The following STPG2 variants were observed in gnomAD, a reference collection of about 807,000 sequenced individuals.
STPG2 encodes sperm-tail PG-rich repeat-containing protein 2.
Under a neutral mutation model 54.2 loss-of-function variants are expected in STPG2, and 56 were observed. The ratio of observed to expected loss-of-function variants is 1.03; its 90% confidence interval spans 0.83 to 1.29. STPG2 has a LOEUF of 1.29. Among genes scored for constraint, STPG2 ranks in the 50% most tolerant of loss-of-function variants. STPG2 has a pLI of 0.00. For synonymous variants in STPG2, 200 were observed against 181.8 expected (o/e 1.10, Z -0.81); for missense variants, 596 against 544.9 (o/e 1.09, Z -0.93).
intron 4 of STPG2, among the ~76,000 whole-genome samples, chr4:97,505,061 G>C (rs565520313): frequency 2.0e-5 from 3 of 151,300 alleles, no homozygotes; most frequent in African/African-American, 4.9e-5. Flanking sequence ...TTTTCATTTA[G>C]ATAATCTAAG....
At chr4:97,832,775 A>G (rs181107883) in intron 9 of STPG2, among the ~76,000 whole-genome samples, 81 of 152,328 alleles carry the variant, frequency 5.3e-4, no homozygotes, top group Admixed American at 3.6e-3. Flanking sequence ...CAGAAAGAGA[A>G]TAAAATATCT....
chr4:97,612,479 C>A (rs1274040401), intron 10 of STPG2, among the ~76,000 whole-genome samples: 1 of 151,960 alleles, frequency 6.6e-6, no homozygotes, highest in African/African-American at 2.4e-5. Context: ...ATAGGTGTAC[C>A]AAAGTAAACA....
At chr4:97,936,420 A>G (rs1732749019) in intron 8 of STPG2, among the ~76,000 whole-genome samples, 1 of 152,188 alleles carries the variant, frequency 6.6e-6, no homozygotes, top group South Asian at 2.1e-4. Context: ...TCCTGTCATC[A>G]TGATGCTAGC....
intron 8 of STPG2, among the ~76,000 whole-genome samples, chr4:97,852,632 C>A (rs774412598): frequency 6.6e-6 from 1 of 152,122 alleles, no homozygotes; most frequent in Non-Finnish European, 1.5e-5. Flanking sequence ...ATAAATATCT[C>A]AGCATCCCAT....
intron 5 of STPG2, among the ~76,000 whole-genome samples, chr4:98,010,253 C>G (rs1735703264): frequency 6.6e-6 from 1 of 152,108 alleles, no homozygotes; most frequent in African/African-American, 2.4e-5. Flanking sequence ...CCTCTTGACA[C>G]TGCTTTCACT....
intron 9 of STPG2, among the ~76,000 whole-genome samples, chr4:97,742,135 A>C (rs921026520): frequency 2.0e-5 from 3 of 151,876 alleles, no homozygotes; most frequent in African/African-American, 7.3e-5. Context: ...AACACCGCAT[A>C]TTCTCACTCA....
chr4:97,632,152 A>C (rs1578438039), intron 10 of STPG2, among the ~76,000 whole-genome samples: 1 of 152,152 alleles, frequency 6.6e-6, no homozygotes, highest in South Asian at 2.1e-4. Context: ...GTTAAAAGTA[A>C]GTTATCCTTT....
intron 10 of STPG2, among the ~76,000 whole-genome samples, chr4:97,604,479 G>T (rs1048498684): frequency 6.6e-6 from 1 of 151,686 alleles, no homozygotes; most frequent in African/African-American, 2.4e-5. Context: ...CAAAACAGAT[G>T]TGATGTTGAA....
chr4:97,828,611 C>A (rs1728341419), intron 9 of STPG2, among the ~76,000 whole-genome samples: 1 of 152,148 alleles, frequency 6.6e-6, no homozygotes, highest in Admixed American at 6.5e-5. Context: ...TGGGTCTCAC[C>A]TCCACAGAGC....
chr4:97,521,542 G>A lies in STPG2; in HGVS notation c.462+191157C>T, dbSNP rs189279387. On this transcript the variant is annotated intron_variant, in intron 4 of 4. Coordinates refer to the STPG2 transcript ENST00000522676. ...AGAAATGTACTTTAGACAAGATGACGCGAATATGACAGTGAAACTGGTACT... is the reference window on the plus strand; with the variant it reads ...AGAAATGTACTTTAGACAAGATGACACGAATATGACAGTGAAACTGGTACT... Among the ~76,000 whole-genome samples the A allele has an allele frequency of 1.3e-3, 198 of 152,078 alleles. 2 individuals carry two copies. The highest frequency in any genetic ancestry group is 4.5e-3 in the African/African-American group (188 of 41,516).
At chr4:97,959,181 G>T (rs1733794448) in intron 7 of STPG2, among the ~76,000 whole-genome samples, 1 of 152,008 alleles carries the variant, frequency 6.6e-6, no homozygotes, top group Non-Finnish European at 1.5e-5. Flanking sequence ...CAGAACAATA[G>T]TAACACAATC....
chr4:97,665,043 C>T (rs561526149), intron 10 of STPG2, among the ~76,000 whole-genome samples: 1 of 152,110 alleles, frequency 6.6e-6, no homozygotes, highest in Non-Finnish European at 1.5e-5. Flanking sequence ...CTGTAAGCAG[C>T]TTCCACAGCT....
At chr4:97,523,245 T>C (rs1731217551) in intron 4 of STPG2, among the ~76,000 whole-genome samples, 1 of 151,840 alleles carries the variant, frequency 6.6e-6, no homozygotes, top group Admixed American at 6.6e-5. Flanking sequence ...ATCAGATAGA[T>C]TTGGATTGTA....
chr4:97,803,720 T>C (rs1254910987), intron 9 of STPG2, among the ~76,000 whole-genome samples: 3 of 152,190 alleles, frequency 2.0e-5, no homozygotes, highest in Non-Finnish European at 4.4e-5. Flanking sequence ...TTTGTATTTT[T>C]AGTAGAGACA....
intron 4 of STPG2, among the ~76,000 whole-genome samples, chr4:97,465,406 G>T (rs1424052113): frequency 6.6e-6 from 1 of 152,076 alleles, no homozygotes; most frequent in African/African-American, 2.4e-5. Context: ...ATATATTAGA[G>T]CTGAATCCAG....
At chr4:97,448,251 C>G (rs1260380533) in intron 4 of STPG2, among the ~76,000 whole-genome samples, 1 of 152,212 alleles carries the variant, frequency 6.6e-6, no homozygotes, top group African/African-American at 2.4e-5. Flanking sequence ...TCAAATGAGA[C>G]TTTGGACTAT....
chr4:97,650,114 G>A (rs751124326), intron 10 of STPG2, among the ~76,000 whole-genome samples: 2 of 152,030 alleles, frequency 1.3e-5, no homozygotes, highest in Non-Finnish European at 2.9e-5. Flanking sequence ...TAACACAACC[G>A]CTGATCTGAC....
intron 4 of STPG2, among the ~76,000 whole-genome samples, chr4:97,510,210 A>T (rs1730943341): frequency 6.6e-6 from 1 of 152,132 alleles, no homozygotes; most frequent in African/African-American, 2.4e-5. Context: ...GATATGAAGA[A>T]GGGTTAACAT....
intron 7 of STPG2, among the ~76,000 whole-genome samples, chr4:97,964,350 C>T (rs1228663646): frequency 6.6e-6 from 1 of 152,028 alleles, no homozygotes; most frequent in Non-Finnish European, 1.5e-5. Context: ...AGGAGGGAGA[C>T]ATTGTATCTT....
Sources: gnomAD v4.1 joint callset for allele counts (sites outside exome capture counted in the v4.1 genomes callset) on GRCh38, gnomAD v4.1.1 for gene constraint, MANE v1.5 for transcripts, NCBI Gene and HGNC (gene_info 2026-07-23, HGNC 2026-07-21) for gene names.